Variants in FAM117A observed in about 807,000 individuals in gnomAD.
FAM117A encodes the protein protein FAM117A.
FAM117A carries 21 observed loss-of-function variants against 44.1 expected under a neutral mutation model. The observed-to-expected ratio is 0.48, with a 90% CI of 0.34 to 0.69. The LOEUF is 0.69. Ranked by LOEUF, FAM117A falls within the 30% of genes least tolerant of loss-of-function variation. FAM117A has a pLI of 0.01. For missense variants in FAM117A, 498 were observed against 589.9 expected, an observed-to-expected ratio of 0.84 and a Z score of 1.61; for synonymous variants, 220 against 238.3, an observed-to-expected ratio of 0.92 and a Z score of 0.71.
At chr17:49,730,795 T>C (rs1367827679) in intron 2 of FAM117A, among the ~76,000 whole-genome samples, 1 of 152,198 alleles carries the variant, frequency 6.6e-6, no homozygotes, top group African/African-American at 2.4e-5. Flanking sequence ...CTCTCTCTCC[T>C]TCCTGGAGGG....
chr17:49,733,757 G>A (rs2073597151), intron 1 of FAM117A, among the ~76,000 whole-genome samples: 1 of 152,064 alleles, frequency 6.6e-6, no homozygotes, highest in Non-Finnish European at 1.5e-5. Context: ...TTGAAACTGT[G>A]GATAAAATGT....
chr17:49,750,177 G>A (rs2073670695), intron 1 of FAM117A, among the ~76,000 whole-genome samples: 1 of 148,680 alleles, frequency 6.7e-6, no homozygotes, highest in African/African-American at 2.4e-5. Context: ...ATTAACAGCT[G>A]CCCCATTTGC....
chr17:49,778,594 G>A (rs906597676), intron 1 of FAM117A, among the ~76,000 whole-genome samples: 5 of 152,186 alleles, frequency 3.3e-5, no homozygotes, highest in Non-Finnish European at 7.3e-5. Context: ...AGAATTAGGC[G>A]CTATATTTCA....
upstream of FAM117A, among the ~76,000 whole-genome samples, chr17:49,766,350 ACATT>A (rs2073745899): frequency 6.6e-6 from 1 of 152,250 alleles, no homozygotes; most frequent in Non-Finnish European, 1.5e-5. Flanking sequence ...GCTTTCACAT[ACATT>A]ATCTCATTTA....
chr17:49,778,959 G>A lies in FAM117A; in HGVS notation c.-621+9538C>T, dbSNP rs143685415. ...GAGGGTTCAGGAAAAGGTTTCCTGA[G>A]AAAATGGTATTTGAGCTGAGATCTG... On this transcript the variant is annotated intron_variant, in intron 1 of 7. Transcript: ENST00000513602. Among the ~76,000 whole-genome samples the A allele has an allele frequency of 3.3e-3, 497 of 152,356 alleles. 2 individuals are homozygous for A. In the Middle Eastern group the frequency reaches 0.034, roughly 10 times the overall value.
intron 1 of FAM117A, among the ~76,000 whole-genome samples, chr17:49,743,142 A>G (rs1425845877): frequency 6.6e-6 from 1 of 152,210 alleles, no homozygotes; most frequent in East Asian, 1.9e-4. Context: ...CAACTATGTC[A>G]TGACCTCCTG....
chr17:49,750,534 G>A (rs1455772647), intron 1 of FAM117A, among the ~76,000 whole-genome samples: 1 of 152,096 alleles, frequency 6.6e-6, no homozygotes, highest in Non-Finnish European at 1.5e-5. Flanking sequence ...CAGCACTTTG[G>A]GAGGCCAAGG....
intron 5 of FAM117A, chr17:49,719,492 G>A: frequency 6.2e-6 from 2 of 324,010 alleles, no homozygotes; most frequent in South Asian, 1.6e-4. Context: ...ACCCCTGTCT[G>A]TTCCTCCCAG....
At chr17:49,736,540 C>T (rs113604091) in intron 1 of FAM117A, among the ~76,000 whole-genome samples, 3 of 152,296 alleles carry the variant, frequency 2.0e-5, no homozygotes, top group Admixed American at 1.3e-4. Flanking sequence ...CCACTGCACC[C>T]GGCCCAAAGG....
chr17:49,780,338 G>C (rs541222563), intron 1 of FAM117A, among the ~76,000 whole-genome samples: 2,271 of 152,280 alleles, frequency 0.015, 31 homozygotes, highest in South Asian at 0.027. Context: ...AGGTCACCAG[G>C]AAAGTAGTGT....
chr17:49,732,453 C>T, intron 2 of FAM117A, 98 bp downstream of exon 2: 1 of 1,167,228 alleles, frequency 8.6e-7, no homozygotes, highest in African/African-American at 1.5e-5. Context: ...AAACCCAAGA[C>T]AAATCATCGC....
intron 1 of FAM117A, among the ~76,000 whole-genome samples, chr17:49,761,129 C>T (rs2143784430): frequency 6.6e-6 from 1 of 152,330 alleles, no homozygotes; most frequent in South Asian, 2.1e-4. Context: ...CTGCAGAGCC[C>T]TGAGCGTTAC....
chr17:49,759,893 A>G (rs1168961109), intron 1 of FAM117A, among the ~76,000 whole-genome samples: 1 of 152,226 alleles, frequency 6.6e-6, no homozygotes, highest in Non-Finnish European at 1.5e-5. Context: ...GACTACTGCC[A>G]GCTCTTCATA....
chr17:49,730,945 T>C (rs1201370190), intron 2 of FAM117A, among the ~76,000 whole-genome samples: 1 of 152,176 alleles, frequency 6.6e-6, no homozygotes, highest in Non-Finnish European at 1.5e-5. Flanking sequence ...CTCCATCTCA[T>C]CCCTTGGCTG....
chr17:49,761,878 T>C (rs768437463), intron 1 of FAM117A, among the ~76,000 whole-genome samples: 6 of 152,120 alleles, frequency 3.9e-5, no homozygotes, highest in Non-Finnish European at 8.8e-5. Flanking sequence ...CTACAGATAA[T>C]CCCCCCAACT....
upstream of FAM117A, chr17:49,788,828 G>A (rs967244751): frequency 1.9e-6 from 3 of 1,583,360 alleles, no homozygotes; most frequent in East Asian, 2.4e-5. Flanking sequence ...GGCCGCAGCC[G>A]CCGGCAATGC....
At chr17:49,747,873 T>C (rs1009676395) in intron 1 of FAM117A, among the ~76,000 whole-genome samples, 53 of 152,222 alleles carry the variant, frequency 3.5e-4, no homozygotes, top group African/African-American at 1.2e-3. Context: ...TTGCTGGTTG[T>C]TCAGATTTCC....
chr17:49,717,519 C>T lies in FAM117A; in HGVS notation c.904G>A (p.Asp302Asn), dbSNP rs776371527. Residue 302 changes from aspartate (D) to asparagine (N), a missense_variant, in exon 6 of 8, where the codon GAC becomes AAC. This residue lies in a region of FAM117A where 224 missense variants were observed against 296.5 expected (regional missense o/e 0.76). Transcript: ENST00000240364. The part of the protein sequence containing the change: ...AAEELASTPN[D>N]KASSPGHPAF... ...CTCAGCCTTCGCGGCTTACCTTTGT[C>T]GTTGGGGGTGGATGCCAGCTCCTCG... is the stretch of plus-strand genomic sequence containing the variant. 1.5e-5 allele frequency: 25 copies of T among 1,613,762 alleles called. No individual in the cohort carries two copies. Among genetic ancestry groups the T allele is most frequent in the Admixed American group, 1.0e-4 (6 of 59,996 alleles).
intron 7 of FAM117A, among the ~76,000 whole-genome samples, chr17:49,712,377 TACC>T (rs2073482886): frequency 6.6e-6 from 1 of 152,206 alleles, no homozygotes; most frequent in Admixed American, 6.5e-5. Context: ...ACCCCAGTAG[TACC>T]ACGACTCCTC....
Sources: allele counts gnomAD v4.1 joint callset (sites outside exome capture counted in the v4.1 genomes callset), GRCh38; gene constraint gnomAD v4.1.1; regional missense constraint gnomAD v4.1.1; transcripts MANE v1.5; gene names NCBI Gene and HGNC (gene_info 2026-07-23, HGNC 2026-07-21).